Variants in RGS17 observed in about 807,000 individuals in gnomAD.
RGS17 encodes regulator of G protein signaling 17, also known as regulator of G-protein signaling 17.
RGS17 carries 12 observed loss-of-function variants against 25.5 expected under a neutral mutation model. The ratio of observed to expected loss-of-function variants is 0.47; its 90% confidence interval spans 0.30 to 0.76. The LOEUF (loss-of-function observed/expected upper bound fraction) is 0.76. RGS17 is among the 30% of genes least tolerant of loss of function. The probability of loss-of-function intolerance (pLI) is 0.07; values close to 1 mark genes in which losing one functional copy is unlikely to be tolerated. For missense variants in RGS17, 196 were observed against 242.2 expected (o/e 0.81, Z 1.27); for synonymous variants, 71 against 76.9 (o/e 0.92, Z 0.40).
intron 2 of RGS17, among the ~76,000 whole-genome samples, chr6:153,037,583 A>G (rs1029786130): frequency 1.7e-4 from 26 of 151,468 alleles, no homozygotes; most frequent in African/African-American, 6.3e-4. Context: ...ATGCCACCAC[A>G]CCCGGCTAAT....
chr6:153,025,683 T>TAAACATATATATAA, intron 3 of RGS17, among the ~76,000 whole-genome samples: 1 of 134,492 alleles, frequency 7.4e-6, no homozygotes, highest in African/African-American at 2.8e-5. Context: ...AACATATATA[T>TAAACATATATATAA]AAACATATAT....
chr6:153,092,422 C>G (rs1338775803), intron 1 of RGS17, among the ~76,000 whole-genome samples: 1 of 152,198 alleles, frequency 6.6e-6, no homozygotes, highest in Non-Finnish European at 1.5e-5. Flanking sequence ...TTTCATGAAG[C>G]TCTCTCTAGG....
chr6:153,052,411 G>A (rs1776473813), intron 1 of RGS17, among the ~76,000 whole-genome samples: 1 of 151,966 alleles, frequency 6.6e-6, no homozygotes, highest in Admixed American at 6.6e-5. Context: ...TCTGAAATGG[G>A]GATATCTATT....
rs141864488 is a variant in RGS17 at position 153,125,707 on chromosome 6, G to A, written c.-26+5417C>T. Among the ~76,000 whole-genome samples, 523 of 152,204 alleles carry A rather than the reference G, an allele frequency of 3.4e-3. 7 individuals carry two copies. The highest frequency in any genetic ancestry group is 0.01 in the Middle Eastern group (3 of 294). ...GACTCTACAAATAATACAAAAATTA[G>A]CTGGGCGTCGTGGTACACACCTGTA... On this transcript the variant is annotated intron_variant, in intron 1 of 4. Coordinates refer to ENST00000206262, the MANE Select transcript of RGS17 (RefSeq NM_012419.5).
chr6:153,073,775 G>C, intron 1 of RGS17, among the ~76,000 whole-genome samples: 1 of 152,158 alleles, frequency 6.6e-6, no homozygotes, highest in East Asian at 1.9e-4. Context: ...GTCAGTGCTT[G>C]CTATGGGTCC....
intron 1 of RGS17, among the ~76,000 whole-genome samples, chr6:153,123,075 A>C (rs766047110): frequency 1.3e-5 from 2 of 151,870 alleles, no homozygotes; most frequent in Non-Finnish European, 2.9e-5. Context: ...TCCAATTCAC[A>C]ACACGGCATT....
Position 153,020,100 on chromosome 6 carries a change from T to TA in RGS17, c.444+4161dup, listed in dbSNP as rs57320874. On this transcript the variant is annotated intron_variant, in intron 4 of 4. Transcript: ENST00000206262. ...TGTCACCTCCTAATTGCAAATATCT[T>TA]AAAAAAAAAAAATATATATATATAT... Among the ~76,000 whole-genome samples the TA allele has an allele frequency of 3.8e-3, 172 of 45,000 alleles. 1 individual carries two copies. The highest frequency in any genetic ancestry group is 0.015 in the East Asian group (17 of 1,106). 29.5% of individuals were successfully genotyped at this position (45,000 alleles called of 152,430 possible).
chr6:153,033,547 G>A (rs1776185875), intron 2 of RGS17, among the ~76,000 whole-genome samples: 1 of 151,886 alleles, frequency 6.6e-6, no homozygotes, highest in Admixed American at 6.6e-5. Context: ...GTGAAACCCT[G>A]TCTCTACTAA....
intron 1 of RGS17, among the ~76,000 whole-genome samples, chr6:153,080,859 T>G (rs1210270685): frequency 6.6e-6 from 1 of 152,012 alleles, no homozygotes; most frequent in African/African-American, 2.4e-5. Context: ...AATCCATGAT[T>G]TATTTGGAAA....
At chr6:153,013,068 T>C (rs1268116526) in intron 4 of RGS17, among the ~76,000 whole-genome samples, 1 of 152,202 alleles carries the variant, frequency 6.6e-6, no homozygotes, top group Non-Finnish European at 1.5e-5. Context: ...CTTCCCTTTA[T>C]TTAGTTTTTC....
chr6:153,056,254 C>T (rs1237995851), intron 1 of RGS17, among the ~76,000 whole-genome samples: 1 of 152,134 alleles, frequency 6.6e-6, no homozygotes, highest in Non-Finnish European at 1.5e-5. Context: ...TTAACAAAAA[C>T]TCATGAGCGT....
At chr6:153,013,975 G>A (rs1373165061) in intron 4 of RGS17, among the ~76,000 whole-genome samples, 1 of 152,208 alleles carries the variant, frequency 6.6e-6, no homozygotes, top group Non-Finnish European at 1.5e-5. Context: ...ATCTAGCTAA[G>A]ATAATTGATG....
At chr6:153,110,086 C>A (rs1210734921) in intron 1 of RGS17, among the ~76,000 whole-genome samples, 1 of 151,968 alleles carries the variant, frequency 6.6e-6, no homozygotes, top group East Asian at 1.9e-4. Flanking sequence ...TTTTCCTGAC[C>A]CTTCTCCATT....
intron 2 of RGS17, among the ~76,000 whole-genome samples, chr6:153,032,855 C>T (rs1160907381): frequency 4.6e-5 from 7 of 152,222 alleles, no homozygotes; most frequent in African/African-American, 1.2e-4. Flanking sequence ...TTATCGTTTC[C>T]GATAAGAAGT....
chr6:153,030,738 A>G (rs893263629), intron 2 of RGS17, among the ~76,000 whole-genome samples: 3 of 152,200 alleles, frequency 2.0e-5, no homozygotes, highest in Non-Finnish European at 2.9e-5. Context: ...GGAGTTAGCA[A>G]TACTTTAGTA....
chr6:153,121,159 A>G (rs1777625546), intron 1 of RGS17, among the ~76,000 whole-genome samples: 1 of 152,180 alleles, frequency 6.6e-6, no homozygotes, highest in Non-Finnish European at 1.5e-5. Context: ...CAGAAGAGGT[A>G]AAACTGATGA....
intron 2 of RGS17, among the ~76,000 whole-genome samples, chr6:153,028,347 C>T (rs1050522564): frequency 2.0e-5 from 3 of 152,060 alleles, no homozygotes; most frequent in Non-Finnish European, 4.4e-5. Flanking sequence ...AGGCAGCAGT[C>T]CCAGGGTTAG....
At chr6:153,090,449 G>GA (rs1215269696) in intron 1 of RGS17, among the ~76,000 whole-genome samples, 2,936 of 83,118 alleles carry the variant, frequency 0.035, 122 homozygotes, top group African/African-American at 0.1. Flanking sequence ...CATCTCTACT[G>GA]AAAAAAAAAA....
intron 1 of RGS17, among the ~76,000 whole-genome samples, chr6:153,084,971 C>T (rs989461476): frequency 3.3e-5 from 5 of 152,054 alleles, no homozygotes; most frequent in Non-Finnish European, 7.4e-5. Flanking sequence ...AATAAGATAA[C>T]GTTACGAAAA....
Sources: gnomAD v4.1 joint callset for allele counts (sites outside exome capture counted in the v4.1 genomes callset) on GRCh38, gnomAD v4.1.1 for gene constraint, MANE v1.5 for transcripts, NCBI Gene and HGNC (gene_info 2026-07-23, HGNC 2026-07-21) for gene names.